Variants in F7 observed in about 807,000 individuals in gnomAD.
F7 encodes the protein coagulation factor VII.
A neutral mutation model predicts 47.5 loss-of-function variants in F7; 38 were observed. The observed-to-expected ratio is 0.80, with a 90% CI of 0.62 to 1.05. F7 has a LOEUF of 1.05. Ranked by LOEUF, F7 falls within the 50% of genes least tolerant of loss-of-function variation. The pLI is 0.00. For missense variants in F7, 575 were observed against 605.4 expected, an observed-to-expected ratio of 0.95 and a Z score of 0.53; for synonymous variants, 244 against 258.5, an observed-to-expected ratio of 0.94 and a Z score of 0.54.
intron 1 of F7, among the ~76,000 whole-genome samples, chr13:113,106,441 T>G (rs1008682059): frequency 1.6e-3 from 1 of 638 alleles, no homozygotes; most frequent in African/African-American, 0.017. Context: ...GCATGGGGTG[T>G]GGGGGTGAGG....
intron 7 of F7, 121 bp from the exon 8 acceptor site, chr13:113,118,292 C>T (rs927206266): frequency 4.1e-5 from 48 of 1,173,352 alleles, no homozygotes; most frequent in Admixed American, 1.4e-4. Flanking sequence ...TGCAGGTCCC[C>T]TTGCCCCAGA....
Position 113,113,976 on chromosome 13 carries a change from G to T in F7, c.364+16G>T, listed in dbSNP as rs375736224. The T allele has an allele frequency of 6.2e-7, 1 of 1,613,632 alleles. No homozygotes were observed. Among genetic ancestry groups the T allele is most frequent in the Non-Finnish European group, 8.5e-7 (1 of 1,180,008 alleles). Reference sequence around the variant, plus strand: ...TGTGAGACGCGTAAGGCCCCACTTTGGGTCCCATATTTGCAGAGGGCCCTG... The same window carrying T: ...TGTGAGACGCGTAAGGCCCCACTTTTGGTCCCATATTTGCAGAGGGCCCTG... On this transcript the variant is annotated intron_variant, in intron 4 of 7. Coordinates refer to ENST00000346342, the MANE Select transcript of F7 (RefSeq NM_019616.4). The surrounding 1 kb of genome is among the most constrained non-coding windows in gnomAD (Gnocchi z 4.1).
At chr13:113,110,953 C>T in intron 2 of F7, 103 bp downstream of exon 2, 6 of 1,340,368 alleles carry the variant, frequency 4.5e-6, no homozygotes, top group Non-Finnish European at 5.9e-6. Flanking sequence ...CTGTGGGCGG[C>T]GAACACGCAG....
chr13:113,109,784 C>G (rs1271534188), intron 1 of F7, among the ~76,000 whole-genome samples: 8 of 152,132 alleles, frequency 5.3e-5, no homozygotes, highest in Admixed American at 5.2e-4. Context: ...ACGGCCGCCC[C>G]GGGGCGGGGG....
At chr13:113,108,428 G>A (rs1419809164) in intron 1 of F7, among the ~76,000 whole-genome samples, 2 of 54,142 alleles carry the variant, frequency 3.7e-5, no homozygotes, top group African/African-American at 1.5e-4. Context: ...TGGGTGTCCC[G>A]GGGGAGTGGG....
Position 113,113,816 on chromosome 13 carries a change from C to T in F7, c.251-31C>T. The T allele has an allele frequency of 6.2e-7, 1 of 1,614,214 alleles. No homozygotes were observed. Among genetic ancestry groups the T allele is most frequent in the South Asian group, 1.1e-5 (1 of 91,084 alleles). ...ACCACCAGTCCTGCCTGCAACCCTT[C>T]TCAGCTTACTGACACCAGCCCACTC... On this transcript the variant is annotated intron_variant, in intron 3 of 7. Transcript: ENST00000346342. This position sits in a 1 kb window ranked among gnomAD's most constrained non-coding sequence, Gnocchi z 4.1.
intron 1 of F7, 40 bp downstream of exon 1, chr13:113,105,945 G>A (rs936477825): frequency 6.5e-6 from 10 of 1,540,210 alleles, no homozygotes; most frequent in African/African-American, 1.4e-5. Context: ...TTGGTGGAAG[G>A]GCAGTGGGCA....
Position 113,105,804 on chromosome 13 carries a change from A to C in F7, c.-38A>C. On this transcript the variant is annotated 5_prime_UTR_variant, in exon 1 of 8. The change abolishes an upstream ATG in the 5' untranslated region. Transcript: ENST00000346342. ...ACTTTGCCCGTCAGTCCCATGGGGA[A>C]TGTCAACAGGCAGGGGCAGCACTGC... The C allele has an allele frequency of 6.4e-7, 1 of 1,566,414 alleles. No individual in the cohort carries two copies. The highest frequency in any genetic ancestry group is 2.3e-5 in the East Asian group (1 of 43,558).
chr13:113,106,637 T>TGG (rs2142198845), intron 1 of F7, among the ~76,000 whole-genome samples: 1 of 30,380 alleles, frequency 3.3e-5, no homozygotes, highest in East Asian at 1.2e-3. Flanking sequence ...GGGGTGGGGA[T>TGG]GGCGAGTGGG....
chr13:113,106,811 T>C (rs1566904576), intron 1 of F7: 3 of 1,567,214 alleles, frequency 1.9e-6, no homozygotes, highest in East Asian at 2.4e-5. Flanking sequence ...GCTCACAGCA[T>C]GGCCTTATGA....
intron 5 of F7, 117 bp from the exon 6 acceptor site, chr13:113,116,649 G>T (rs935494307): frequency 1.2e-6 from 1 of 841,442 alleles, no homozygotes; most frequent in Non-Finnish European, 2.0e-6. Context: ...TGCTCCTGGG[G>T]GCCTCCCATA....
intron 6 of F7, 179 bp downstream of exon 6, chr13:113,117,054 G>A (rs2036206691): frequency 4.3e-6 from 3 of 692,030 alleles, no homozygotes; most frequent in Non-Finnish European, 7.9e-6. Context: ...GGCAAGGAAG[G>A]AGAAAAGAAA....
At chr13:113,107,288 AGGAGTGTGGGTGTCCCG>A (rs2035981681) in intron 1 of F7, among the ~76,000 whole-genome samples, 4 of 55,380 alleles carry the variant, frequency 7.2e-5, no homozygotes, top group South Asian at 1.7e-3. Flanking sequence ...TGGGTGTCCC[AGGAGTGTGGGTGTCCCG>A]GGGGCGTGGG....
intron 5 of F7, among the ~76,000 whole-genome samples, chr13:113,116,048 G>T (rs931363293): frequency 2.6e-5 from 4 of 152,186 alleles, no homozygotes; most frequent in Non-Finnish European, 5.9e-5. Flanking sequence ...GCAGACCAGG[G>T]GAGCCAAGCA....
rs2036214367 is a variant in F7 at position 113,117,509 on chromosome 13, G to A, written c.652G>A (p.Gly218Arg). The A allele has an allele frequency of 6.2e-7, 1 of 1,614,178 alleles. No homozygotes were observed. ...LLVNGAQLCGGTLINTIWVVS... is the reference protein window; with the variant it reads ...LLVNGAQLCGRTLINTIWVVS... ...GGTGAATGGAGCTCAGTTGTGTGGG[G>A]GGACCCTGATCAACACCATCTGGGT... The change falls in exon 7 of 8, where the codon GGG (glycine) becomes AGG (arginine). Residue 218 changes from glycine (G) to arginine (R), a missense_variant. Coordinates refer to ENST00000346342, the MANE Select transcript of F7 (RefSeq NM_019616.4).
chr13:113,112,099 A>T (rs1275728781), intron 2 of F7, among the ~76,000 whole-genome samples: 4 of 139,740 alleles, frequency 2.9e-5, no homozygotes, highest in African/African-American at 8.2e-5. Context: ...CACTCACAGG[A>T]CACCTCACAG....
In F7 at chr13:113,119,019, C is replaced by T; in HGVS notation, c.*11C>T. ...GCCCCATTTCCCTAGCCCAGCAGCCCTGGCCTGTGGAGAGAAAGCCAAGGC... is the reference window on the plus strand; with the variant it reads ...GCCCCATTTCCCTAGCCCAGCAGCCTTGGCCTGTGGAGAGAAAGCCAAGGC... On this transcript the variant is annotated 3_prime_UTR_variant, in exon 8 of 8. Transcript: ENST00000346342. 2 of 1,597,374 alleles carry T rather than the reference C, an allele frequency of 1.3e-6. No individual in the cohort carries two copies. The highest frequency in any genetic ancestry group is 1.7e-6 in the Non-Finnish European group (2 of 1,179,138).
intron 1 of F7, among the ~76,000 whole-genome samples, chr13:113,108,600 A>G (rs376948281): frequency 4.0e-4 from 10 of 24,744 alleles, no homozygotes; most frequent in East Asian, 1.5e-3. Flanking sequence ...GGTGTCCCGG[A>G]GGCGAGGGTG....
In F7 at chr13:113,119,506, C is replaced by T. The variant is rs557431193; in HGVS notation, c.*498C>T. ...ACACACACAGAGATATGCACACACA[C>T]GGATGCACACACAGATGGTCACACA... On this transcript the variant is annotated 3_prime_UTR_variant, in exon 8 of 8. Transcript: ENST00000346342. The T allele has an allele frequency of 5.7e-4, 106 of 187,008 alleles. No homozygotes were observed. Among genetic ancestry groups the T allele is most frequent in the African/African-American group, 2.1e-3 (87 of 42,368 alleles). The allele number at this position is 187,008 out of a possible 1,614,324, so 11.6% of individuals were successfully genotyped here.
Sources: allele counts gnomAD v4.1 joint callset (sites outside exome capture counted in the v4.1 genomes callset), GRCh38; gene constraint gnomAD v4.1.1; non-coding constraint Gnocchi (gnomAD v3.1); transcripts MANE v1.5; gene names NCBI Gene and HGNC (gene_info 2026-07-23, HGNC 2026-07-21).